CFTR: variants seen among roughly 807,000 people sequenced by gnomAD.
CFTR encodes CF transmembrane conductance regulator.
CFTR carries 181 observed loss-of-function variants against 171.6 expected under a neutral mutation model. That is an observed-to-expected ratio of 1.05 (90% CI 0.93 to 1.19). The LOEUF is 1.19. CFTR is among the 50% of genes most tolerant of loss of function. CFTR has a pLI of 0.00. For missense variants in CFTR, 1,968 were observed against 1,734.7 expected, an observed-to-expected ratio of 1.13 and a Z score of -2.39; for synonymous variants, 583 against 608.0, an observed-to-expected ratio of 0.96 and a Z score of 0.60.
At chr7:117,494,945 G>A (rs999911616) in intron 1 of CFTR, among the ~76,000 whole-genome samples, 2 of 152,010 alleles carry the variant, frequency 1.3e-5, no homozygotes, top group Non-Finnish European at 2.9e-5. Flanking sequence ...AACAGTAACC[G>A]TGATGACGTT....
chr7:117,500,664 T>C (rs1250500563), intron 1 of CFTR, among the ~76,000 whole-genome samples: 1 of 152,178 alleles, frequency 6.6e-6, no homozygotes, highest in African/African-American at 2.4e-5. Context: ...GATGACTCTG[T>C]GGTCATTGTT....
At position 117,559,465 on chromosome 7, in the gene CFTR, C is replaced by A. The variant is rs758900656; in HGVS notation, c.1394C>A (p.Thr465Asn). The change falls in exon 11 of 27, where the codon ACT (threonine) becomes AAT (asparagine). Residue 465 changes from threonine (T) to asparagine (N), a missense_variant and splice_region_variant. By Grantham distance (65) the Thr-to-Asn change is moderately conservative. Coordinates refer to ENST00000003084, the MANE Select transcript of CFTR (RefSeq NM_000492.4). Reference sequence around the variant, plus strand: ...AATAATGATGGGTTTTATTTCCAGACTTCACTTCTAATGGTGATTATGGGA... The same window carrying A: ...AATAATGATGGGTTTTATTTCCAGAATTCACTTCTAATGGTGATTATGGGA... ...AVAGSTGAGK[T>N]SLLMVIMGEL... 1.9e-6 allele frequency: 3 copies of A among 1,596,306 alleles called. No homozygotes were observed. The highest frequency in any genetic ancestry group is 1.7e-6 in the Non-Finnish European group (2 of 1,164,560).
chr7:117,540,068 A>G, intron 7 of CFTR, 32 bp from the exon 8 acceptor site: 9 of 1,576,934 alleles, frequency 5.7e-6, no homozygotes, highest in Non-Finnish European at 7.8e-6. Context: ...ATAAAATAAC[A>G]TCCTGAATTT....
Position 117,509,162 on chromosome 7 carries a change from A to T in CFTR, c.273+20A>T. 7.8e-7 allele frequency: 1 copy of T among 1,283,824 alleles called. No homozygotes were observed. Among genetic ancestry groups the T allele is most frequent in the Non-Finnish European group, 1.1e-6 (1 of 879,434 alleles). 79.5% of individuals were successfully genotyped at this position (1,283,824 alleles called of 1,614,324 possible). ...TTAGGGGTAAGGATCTCATTTGTAC[A>T]TTCATTATGTATCACATAACTATAT... On this transcript the variant is annotated intron_variant, in intron 3 of 26. Transcript: ENST00000003084.
In CFTR at chr7:117,602,880, C is replaced by T. The variant is rs368543375; in HGVS notation, c.2657+17C>T. On this transcript the variant is annotated intron_variant, in intron 16 of 26. Coordinates refer to ENST00000003084, the MANE Select transcript of CFTR (RefSeq NM_000492.4). ...CCTTGGAAAGTGAGTATTCCATGTC[C>T]TATTGTGTAGATTGTGTTTTATTTC... 1.2e-6 allele frequency: 2 copies of T among 1,604,036 alleles called. No homozygotes were observed. Among genetic ancestry groups the T allele is most frequent in the Non-Finnish European group, 1.7e-6 (2 of 1,170,862 alleles).
intron 3 of CFTR, among the ~76,000 whole-genome samples, chr7:117,517,429 G>A (rs1798612482): frequency 6.6e-6 from 1 of 152,104 alleles, no homozygotes; most frequent in East Asian, 1.9e-4. Flanking sequence ...GTATATATGT[G>A]CCACATTTTC....
intron 15 of CFTR, among the ~76,000 whole-genome samples, chr7:117,599,937 TCTA>T (rs1360932730): frequency 6.6e-6 from 1 of 152,104 alleles, no homozygotes; most frequent in African/African-American, 2.4e-5. Context: ...TTGAGAGCCT[TCTA>T]CTCATGACCA....
At chr7:117,634,476 T>C (rs1407418246) in intron 22 of CFTR, among the ~76,000 whole-genome samples, 1 of 152,092 alleles carries the variant, frequency 6.6e-6, no homozygotes, top group Non-Finnish European at 1.5e-5. Flanking sequence ...GTGATTTCAA[T>C]TTCATGATTT....
At chr7:117,580,221 A>T (rs1005844734) in intron 11 of CFTR, among the ~76,000 whole-genome samples, 4 of 152,112 alleles carry the variant, frequency 2.6e-5, no homozygotes, top group African/African-American at 7.2e-5. Flanking sequence ...TATTACATAC[A>T]AATAAAAATG....
intron 6 of CFTR, among the ~76,000 whole-genome samples, chr7:117,535,725 G>A (rs899414093): frequency 1.3e-5 from 2 of 151,678 alleles, no homozygotes; most frequent in African/African-American, 4.8e-5. Context: ...GTAGAGACAG[G>A]GTTTCACCAG....
At chr7:117,657,669 A>G (rs539881716) in intron 24 of CFTR, among the ~76,000 whole-genome samples, 2 of 152,340 alleles carry the variant, frequency 1.3e-5, no homozygotes, top group Admixed American at 1.3e-4. Flanking sequence ...GGGGCAAACC[A>G]GGATGTATGT....
chr7:117,631,719 T>C (rs1792750103), intron 22 of CFTR, among the ~76,000 whole-genome samples: 1 of 152,202 alleles, frequency 6.6e-6, no homozygotes, highest in Non-Finnish European at 1.5e-5. Flanking sequence ...CCCATCTGGC[T>C]GTTCTTGAGA....
At chr7:117,624,072 T>C (rs2254742) in intron 21 of CFTR, among the ~76,000 whole-genome samples, 22,643 of 152,150 alleles carry the variant, frequency 0.15, 2,098 homozygotes, top group East Asian at 0.31. Flanking sequence ...GTAGCAGCTA[T>C]GAATCTTTGA....
At chr7:117,580,570 G>A (rs1665179529) in intron 11 of CFTR, among the ~76,000 whole-genome samples, 1 of 152,090 alleles carries the variant, frequency 6.6e-6, no homozygotes, top group Non-Finnish European at 1.5e-5. Flanking sequence ...AGAGATTTAT[G>A]TGCAATGATA....
intron 3 of CFTR, among the ~76,000 whole-genome samples, chr7:117,521,647 T>C (rs1001461039): frequency 6.6e-6 from 1 of 152,166 alleles, no homozygotes; most frequent in Admixed American, 6.6e-5. Flanking sequence ...TAAAAGAAGT[T>C]AAAATGATAA....
intron 1 of CFTR, among the ~76,000 whole-genome samples, chr7:117,485,579 G>A (rs1798062493): frequency 6.6e-6 from 1 of 152,144 alleles, no homozygotes; most frequent in African/African-American, 2.4e-5. Context: ...CTTTACTGTA[G>A]GGCATTGTGT....
rs35228854 is a variant in CFTR, at chr7:117,642,793, A to G, written c.3873+200A>G. On this transcript the variant is annotated intron_variant, in intron 23 of 26. Transcript: ENST00000003084. ...GAATTCTCAAATTCTGGTTATTGAAATGTTCATAGCTTTGATAGTGTTTTT... is the reference window on the plus strand; with the variant it reads ...GAATTCTCAAATTCTGGTTATTGAAGTGTTCATAGCTTTGATAGTGTTTTT... Among the ~76,000 whole-genome samples the G allele has an allele frequency of 6.0e-3, 907 of 152,288 alleles. 13 individuals are homozygous for G. The highest frequency in any genetic ancestry group is 0.039 in the East Asian group (201 of 5,180).
chr7:117,603,314 A>T (rs1792252769), intron 16 of CFTR, among the ~76,000 whole-genome samples: 1 of 152,198 alleles, frequency 6.6e-6, no homozygotes, highest in Non-Finnish European at 1.5e-5. Context: ...TTTTCTTCAA[A>T]TTTTTTAATT....
chr7:117,501,033 A>G (rs988155549), intron 1 of CFTR, among the ~76,000 whole-genome samples: 1 of 152,220 alleles, frequency 6.6e-6, no homozygotes, highest in African/African-American at 2.4e-5. Flanking sequence ...CAAAAGAGTT[A>G]CGTTTATATT....
Sources: allele counts gnomAD v4.1 joint callset (sites outside exome capture counted in the v4.1 genomes callset), GRCh38; gene constraint gnomAD v4.1.1; transcripts MANE v1.5; gene names NCBI Gene and HGNC (gene_info 2026-07-23, HGNC 2026-07-21).